MEGF11: variants seen among roughly 807,000 people sequenced by gnomAD.
MEGF11 encodes multiple epidermal growth factor-like domains protein 11.
In MEGF11, 126 loss-of-function variants were observed where a neutral mutation model predicts 146.6. The observed-to-expected ratio is 0.86, with a 90% confidence interval of 0.74 to 1.00. The LOEUF is 1.00. Ranked by LOEUF, MEGF11 falls within the 50% of genes least tolerant of loss-of-function variation. The pLI is 0.00. For synonymous variants in MEGF11, 532 were observed against 583.4 expected (o/e 0.91, Z 1.27); for missense variants, 1,509 against 1,521.2 (o/e 0.99, Z 0.13).
intron 1 of MEGF11, among the ~76,000 whole-genome samples, chr15:66,232,330 C>G (rs1353124911): frequency 2.6e-5 from 4 of 152,222 alleles, no homozygotes; most frequent in African/African-American, 9.6e-5. Context: ...TCCTGGCCAC[C>G]AGCCCTTAGG....
chr15:65,910,307 T>TTG (rs2078760174), intron 21 of MEGF11, among the ~76,000 whole-genome samples: 1 of 152,158 alleles, frequency 6.6e-6, no homozygotes, highest in Non-Finnish European at 1.5e-5. Context: ...GAGGCTTATA[T>TTG]TGTAGTCCTT....
At position 65,918,588 on chromosome 15, in the gene MEGF11, A is replaced by G. The variant is rs116906748; in HGVS notation, c.1958-494T>C. Among the ~76,000 whole-genome samples, 699 of 152,362 alleles carry G rather than the reference A, an allele frequency of 4.6e-3. 17 individuals carry two copies. The highest frequency in any genetic ancestry group is 0.035 in the East Asian group (183 of 5,192). On this transcript the variant is annotated intron_variant, in intron 15 of 25. Coordinates refer to ENST00000395614, the MANE Select transcript of MEGF11 (RefSeq NM_001385028.1). ...CCTGCGGTTTGACTGTTAAAGGACC[A>G]GCCCTGAATGTCTGTCCCTGCCTGC...
At chr15:66,100,836 G>A (rs1410918205) in intron 4 of MEGF11, among the ~76,000 whole-genome samples, 2 of 142,508 alleles carry the variant, frequency 1.4e-5, no homozygotes, top group Non-Finnish European at 3.1e-5. Flanking sequence ...ACCTGAATGA[G>A]TGAGTGAGCC....
intron 9 of MEGF11, among the ~76,000 whole-genome samples, chr15:65,958,769 T>G (rs1177439265): frequency 2.0e-5 from 3 of 152,194 alleles, no homozygotes; most frequent in Non-Finnish European, 4.4e-5. Context: ...CTCCCCACTT[T>G]CCCTCACAGA....
chr15:66,067,379 C>A (rs998448381), intron 5 of MEGF11, among the ~76,000 whole-genome samples: 2 of 152,206 alleles, frequency 1.3e-5, no homozygotes, highest in Non-Finnish European at 2.9e-5. Context: ...CTTATTAGAG[C>A]CTCAGGACAG....
chr15:65,916,859 G>T lies in MEGF11; in HGVS notation c.2184C>A (p.Thr728=). The change falls in exon 17 of 26, where the codon ACC becomes ACA. Residue 728 remains threonine, a synonymous_variant. Transcript: ENST00000395614. ...CSAEDGACHC[T]PGWTGLFCTQ... ...TGCAGAAGAGTCCAGTCCAGCCAGG[G>T]GTGCAGTGGCAGGCCCCGTCCTCGG... 1 of 1,603,920 alleles carries T rather than the reference G, an allele frequency of 6.2e-7. No individual in the cohort carries two copies. The highest frequency in any genetic ancestry group is 8.5e-7 in the Non-Finnish European group (1 of 1,173,402).
chr15:65,990,666 A>C (rs1243479503), intron 5 of MEGF11, among the ~76,000 whole-genome samples: 3 of 151,306 alleles, frequency 2.0e-5, no homozygotes, highest in African/African-American at 7.3e-5. Flanking sequence ...AAGGGAAGGG[A>C]AGAAAGGGAA....
chr15:65,901,192 A>G (rs1359501234), intron 24 of MEGF11, among the ~76,000 whole-genome samples: 1 of 152,184 alleles, frequency 6.6e-6, no homozygotes, highest in East Asian at 1.9e-4. Flanking sequence ...GAACCCCAGC[A>G]TGGCCCATCT....
chr15:66,246,574 G>T (rs1181253040), intron 1 of MEGF11, among the ~76,000 whole-genome samples: 1 of 152,056 alleles, frequency 6.6e-6, no homozygotes, highest in East Asian at 1.9e-4. Flanking sequence ...AGGCTGAGGT[G>T]GGTGCATTGC....
At chr15:66,182,306 G>C (rs1216052546) in intron 1 of MEGF11, among the ~76,000 whole-genome samples, 2 of 152,210 alleles carry the variant, frequency 1.3e-5, no homozygotes, top group African/African-American at 4.8e-5. Flanking sequence ...AGGTAAGCAG[G>C]AATGGCAGAT....
intron 5 of MEGF11, among the ~76,000 whole-genome samples, chr15:66,077,694 G>A (rs573831005): frequency 7.4e-4 from 112 of 152,336 alleles, no homozygotes; most frequent in African/African-American, 2.6e-3. Context: ...CAGGGGATAC[G>A]GGTGAGAGGG....
intron 5 of MEGF11, among the ~76,000 whole-genome samples, chr15:66,089,261 C>A (rs894664870): frequency 5.3e-5 from 8 of 152,226 alleles, no homozygotes; most frequent in African/African-American, 1.9e-4. Flanking sequence ...ATCACTCAGG[C>A]CTCTCTGTAG....
chr15:66,101,823 T>A (rs1312066478), intron 4 of MEGF11, among the ~76,000 whole-genome samples: 2 of 152,124 alleles, frequency 1.3e-5, no homozygotes, highest in African/African-American at 4.8e-5. Flanking sequence ...GATGGCAAAA[T>A]GCTCTTTAGA....
intron 2 of MEGF11, among the ~76,000 whole-genome samples, chr15:66,124,605 AG>A (rs1425655800): frequency 1.2e-4 from 19 of 152,338 alleles, no homozygotes. Flanking sequence ...ACTGAGCATC[AG>A]GGGGCATAAG....
intron 5 of MEGF11, among the ~76,000 whole-genome samples, chr15:66,065,563 C>T (rs929822774): frequency 6.6e-6 from 1 of 152,168 alleles, no homozygotes; most frequent in Non-Finnish European, 1.5e-5. Flanking sequence ...AAGACACAGC[C>T]CACAGCCGTG....
intron 5 of MEGF11, among the ~76,000 whole-genome samples, chr15:66,021,838 T>C (rs1166412226): frequency 6.6e-6 from 1 of 152,272 alleles, no homozygotes; most frequent in East Asian, 1.9e-4. Flanking sequence ...TGCTCTCTGT[T>C]CACTATTCCA....
intron 17 of MEGF11, 142 bp from the exon 18 acceptor site, chr15:65,916,418 C>T: frequency 8.9e-7 from 1 of 1,125,758 alleles, no homozygotes; most frequent in Non-Finnish European, 1.2e-6. Flanking sequence ...AGTTGTCTCC[C>T]TGCTCAGGAT....
intron 1 of MEGF11, among the ~76,000 whole-genome samples, chr15:66,241,990 C>T (rs1203994483): frequency 6.6e-6 from 1 of 152,134 alleles, no homozygotes. Flanking sequence ...GCCATACTGA[C>T]AACTGCAGCC....
chr15:65,957,774 G>C (rs2080711154), intron 9 of MEGF11, 53 bp from the exon 10 acceptor site: 1 of 1,575,184 alleles, frequency 6.3e-7, no homozygotes, highest in Admixed American at 1.7e-5. Flanking sequence ...AAGCAGCCAT[G>C]TCCCCGCCCT....
Sources: gnomAD v4.1 joint callset for allele counts (sites outside exome capture counted in the v4.1 genomes callset) on GRCh38, gnomAD v4.1.1 for gene constraint, MANE v1.5 for transcripts, NCBI Gene and HGNC (gene_info 2026-07-23, HGNC 2026-07-21) for gene names.